RBBP5: variants seen among roughly 807,000 people sequenced by gnomAD.
RBBP5 encodes the protein RB binding protein 5, histone lysine methyltransferase complex subunit, also known as retinoblastoma-binding protein 5.
RBBP5 carries 5 observed loss-of-function variants against 72.2 expected under a neutral mutation model. That is an observed-to-expected ratio of 0.07 (90% confidence interval 0.04 to 0.15). RBBP5 has a LOEUF of 0.15. Among genes scored for constraint, RBBP5 ranks in the 10% least tolerant of loss-of-function variants. The probability of loss-of-function intolerance (pLI) is 1.00; values close to 1 mark genes in which losing one functional copy is unlikely to be tolerated. For missense variants in RBBP5, 322 were observed against 652.2 expected, an observed-to-expected ratio of 0.49 and a Z score of 5.51; for synonymous variants, 209 against 237.2, an observed-to-expected ratio of 0.88 and a Z score of 1.09.
At chr1:205,106,725 T>A (rs1004721820) in intron 3 of RBBP5, among the ~76,000 whole-genome samples, 1 of 152,146 alleles carries the variant, frequency 6.6e-6, no homozygotes, top group African/African-American at 2.4e-5. Flanking sequence ...AGACAATCAA[T>A]AGACACTAAT....
chr1:205,095,137 G>T (rs1574689905), intron 12 of RBBP5, 73 bp from the exon 13 acceptor site: 1 of 1,403,010 alleles, frequency 7.1e-7, no homozygotes, highest in Non-Finnish European at 9.9e-7. Flanking sequence ...ACTTTGTTGA[G>T]CAAAGAATGT....
chr1:205,089,784 A>C (rs1310385519), intron 13 of RBBP5, among the ~76,000 whole-genome samples: 1 of 152,238 alleles, frequency 6.6e-6, no homozygotes, highest in Non-Finnish European at 1.5e-5. Flanking sequence ...CTTACTTAGC[A>C]ATGGTTTTTC....
intron 1 of RBBP5, among the ~76,000 whole-genome samples, chr1:205,119,017 A>C (rs1363845754): frequency 6.6e-6 from 1 of 152,134 alleles, no homozygotes; most frequent in African/African-American, 2.4e-5. Context: ...TAACTTTCTC[A>C]CTTTAAAATG....
At chr1:205,102,084 C>G (rs1372557433) in intron 5 of RBBP5, among the ~76,000 whole-genome samples, 1 of 152,010 alleles carries the variant, frequency 6.6e-6, no homozygotes, top group Non-Finnish European at 1.5e-5. Context: ...TTAGTAGAGA[C>G]AGGGTTTCTT....
chr1:205,089,658 A>G (rs1307151951), intron 13 of RBBP5, among the ~76,000 whole-genome samples: 1 of 152,232 alleles, frequency 6.6e-6, no homozygotes, highest in Non-Finnish European at 1.5e-5. Flanking sequence ...CAATAAAAAT[A>G]TATTCACATG....
rs192082673 is a variant in RBBP5 at position 205,118,572 on chromosome 1, A to T, written c.20-2689T>A. On this transcript the variant is annotated intron_variant, in intron 1 of 13. Transcript: ENST00000264515. ...AGGTTGCAATGAGCCAAGATCGCCA[A>T]GATCATGCCACTGCACTCCAGCCTG... Among the ~76,000 whole-genome samples the T allele has an allele frequency of 3.6e-3, 548 of 152,242 alleles. 2 individuals carry two copies. The highest frequency in any genetic ancestry group is 6.2e-3 in the Non-Finnish European group (420 of 68,010).
Position 205,096,737 on chromosome 1 carries a change from T to C in RBBP5, c.1341A>G (p.Pro447=), listed in dbSNP as rs757407290. 3 of 1,614,212 alleles carry C rather than the reference T, an allele frequency of 1.9e-6. No individual in the cohort carries two copies. The East Asian group carries it at 6.7e-5, about 36-fold the overall frequency. Residue 447 remains proline (P), a synonymous_variant, in exon 12 of 14, where the codon CCA becomes CCG. Transcript: ENST00000264515. ...TGGTTGTTTTGGGTTTCTTCTTAGG[T>C]GGCTGGGACCCATCTGCTGAGGACT... ...KRQSSADGSQ[P]PKKKPKTTNI...
At chr1:205,096,570 T>C (rs1053863707) in intron 12 of RBBP5, 112 bp downstream of exon 12, 26 of 947,434 alleles carry the variant, frequency 2.7e-5, no homozygotes, top group African/African-American at 3.3e-5. Flanking sequence ...AACAGACTCA[T>C]GGGAAAATTC....
intron 5 of RBBP5, among the ~76,000 whole-genome samples, chr1:205,102,420 T>C (rs1266207967): frequency 6.6e-6 from 1 of 152,062 alleles, no homozygotes; most frequent in Non-Finnish European, 1.5e-5. Flanking sequence ...AAAGGGCAAA[T>C]ACTATATGAT....
intron 3 of RBBP5, among the ~76,000 whole-genome samples, chr1:205,109,926 C>T (rs537250066): frequency 6.6e-6 from 1 of 152,220 alleles, no homozygotes; most frequent in South Asian, 2.1e-4. Flanking sequence ...CTCTCCTGGG[C>T]AGTCAATCCC....
chr1:205,089,863 T>C (rs1655272956), intron 13 of RBBP5, among the ~76,000 whole-genome samples: 1 of 152,178 alleles, frequency 6.6e-6, no homozygotes, highest in Non-Finnish European at 1.5e-5. Context: ...TTTATTTTTA[T>C]TTTTTTAGAC....
chr1:205,103,476 A>G (rs1242906787), intron 5 of RBBP5, among the ~76,000 whole-genome samples: 1 of 152,224 alleles, frequency 6.6e-6, no homozygotes, highest in African/African-American at 2.4e-5. Flanking sequence ...GTTTGAAGGA[A>G]AAAGAAGAAT....
intron 3 of RBBP5, among the ~76,000 whole-genome samples, chr1:205,112,135 T>C (rs1018088178): frequency 2.6e-5 from 4 of 152,110 alleles, no homozygotes; most frequent in African/African-American, 4.8e-5. Context: ...CTGGCCAACA[T>C]GGCAAAACAC....
intron 1 of RBBP5, among the ~76,000 whole-genome samples, chr1:205,117,083 G>A (rs1319184514): frequency 5.9e-5 from 9 of 151,604 alleles, no homozygotes; most frequent in East Asian, 2.0e-4. Flanking sequence ...ACGGAGTCTC[G>A]GTCTGTCTCC....
chr1:205,115,954 T>G, intron 1 of RBBP5, 71 bp from the exon 2 acceptor site: 1 of 1,613,694 alleles, frequency 6.2e-7, no homozygotes, highest in Non-Finnish European at 8.5e-7. Context: ...TCACGAACAG[T>G]GTATAGCAGT....
Position 205,087,609 on chromosome 1 carries a change from A to C in RBBP5, c.*1178T>G, listed in dbSNP as rs994895542. 1 of 152,470 alleles carries C rather than the reference A, an allele frequency of 6.6e-6. No homozygotes were observed. Among genetic ancestry groups the C allele is most frequent in the Non-Finnish European group, 1.5e-5 (1 of 67,998 alleles). 9.4% of individuals were successfully genotyped at this position (152,470 alleles called of 1,614,324 possible). On this transcript the variant is annotated 3_prime_UTR_variant, in exon 14 of 14. Transcript: ENST00000264515. ...AGATTAAGCACTTCCAGTCAGCTAAAAACGCCACTCAGAGAAGCTACTGAG... is the reference window on the plus strand; with the variant it reads ...AGATTAAGCACTTCCAGTCAGCTAACAACGCCACTCAGAGAAGCTACTGAG...
chr1:205,107,623 A>T (rs61822564), intron 3 of RBBP5, among the ~76,000 whole-genome samples: 1 of 152,184 alleles, frequency 6.6e-6, no homozygotes, highest in South Asian at 2.1e-4. Context: ...TGAACAATGA[A>T]AAGAGTATAA....
At chr1:205,104,380 C>T (rs552985936) in intron 4 of RBBP5, among the ~76,000 whole-genome samples, 11 of 151,028 alleles carry the variant, frequency 7.3e-5, no homozygotes, top group East Asian at 3.9e-4. Flanking sequence ...AAAACTTAGC[C>T]GGATGTGGTG....
intron 5 of RBBP5, among the ~76,000 whole-genome samples, chr1:205,103,223 C>CAAAAAA (rs35295093): frequency 3.3e-5 from 3 of 91,378 alleles, no homozygotes; most frequent in Non-Finnish European, 6.3e-5. Context: ...GACTCCATCT[C>CAAAAAA]AAAAAAAAAA....
Sources: gnomAD v4.1 joint callset for allele counts (sites outside exome capture counted in the v4.1 genomes callset) on GRCh38, gnomAD v4.1.1 for gene constraint, MANE v1.5 for transcripts, NCBI Gene and HGNC (gene_info 2026-07-23, HGNC 2026-07-21) for gene names.